DNAH14: variants seen among roughly 807,000 people sequenced by gnomAD.
DNAH14 encodes the protein axonemal beta dynein heavy chain 14.
A neutral mutation model predicts 520.9 loss-of-function variants in DNAH14; 478 were observed. The observed-to-expected ratio is 0.92, with a 90% CI of 0.85 to 0.99. DNAH14 has a LOEUF of 0.99. Among genes scored for constraint, DNAH14 ranks in the 50% least tolerant of loss-of-function variants. DNAH14 has a pLI of 0.00. For missense variants in DNAH14, 4,831 were observed against 5,234.5 expected (o/e 0.92, Z 2.38); for synonymous variants, 1,581 against 1,757.2 (o/e 0.90, Z 2.51).
chr1:225,300,361 A>G (rs2094115128), intron 55 of DNAH14, among the ~76,000 whole-genome samples: 1 of 152,192 alleles, frequency 6.6e-6, no homozygotes, highest in Non-Finnish European at 1.5e-5. Flanking sequence ...TGTTTAAATG[A>G]ATGAATGGAT....
At chr1:225,280,880 T>C (rs1026267492) in intron 54 of DNAH14, among the ~76,000 whole-genome samples, 2 of 152,182 alleles carry the variant, frequency 1.3e-5, no homozygotes, top group African/African-American at 4.8e-5. Flanking sequence ...AAAAATTTTA[T>C]GTTCAAGAAA....
Position 225,346,279 on chromosome 1 carries a change from T to C in DNAH14, c.10996T>C (p.Phe3666Leu). 1 of 1,549,480 alleles carries C rather than the reference T, an allele frequency of 6.5e-7. No individual in the cohort carries two copies. Among genetic ancestry groups the C allele is most frequent in the Non-Finnish European group, 8.7e-7 (1 of 1,146,458 alleles). The change falls in exon 70 of 86, where the codon TTT becomes CTT. Residue 3666 changes from phenylalanine to leucine, a missense_variant. Phe to Leu is a conservative substitution (Grantham distance 22). Transcript: ENST00000682510. The part of the protein sequence containing the change: ...EKVSPKEVHE[F>L]ISISKEPNLE... ...AGTGTCTCCAAAAGAAGTTCATGAGTTTATAAGTATTTCAAAAGAACCCAA... is the reference window on the plus strand; with the variant it reads ...AGTGTCTCCAAAAGAAGTTCATGAGCTTATAAGTATTTCAAAAGAACCCAA...
At chr1:225,051,218 A>G (rs1275470658) in intron 16 of DNAH14, among the ~76,000 whole-genome samples, 5 of 152,224 alleles carry the variant, frequency 3.3e-5, no homozygotes, top group Admixed American at 3.3e-4. Flanking sequence ...TAACATGTTA[A>G]TTATAAAGTT....
intron 17 of DNAH14, among the ~76,000 whole-genome samples, chr1:225,075,674 GA>G (rs1558873887): frequency 6.6e-6 from 1 of 151,994 alleles, no homozygotes; most frequent in East Asian, 1.9e-4. Context: ...AACATAGTGG[GA>G]CCCTACCTCT....
chr1:225,362,259 A>G (rs1236179696), intron 75 of DNAH14, among the ~76,000 whole-genome samples: 1 of 152,160 alleles, frequency 6.6e-6, no homozygotes, highest in Non-Finnish European at 1.5e-5. Flanking sequence ...ATTCAACATA[A>G]TCAGAGTATT....
intron 37 of DNAH14, among the ~76,000 whole-genome samples, chr1:225,191,813 T>C (rs559536117): frequency 6.6e-6 from 1 of 152,156 alleles, no homozygotes; most frequent in African/African-American, 2.4e-5. Flanking sequence ...TCTTTTTTTA[T>C]CTGCTTAAAT....
At chr1:224,996,950 C>T (rs1387095575) in intron 8 of DNAH14, among the ~76,000 whole-genome samples, 1 of 152,076 alleles carries the variant, frequency 6.6e-6, no homozygotes, top group Non-Finnish European at 1.5e-5. Context: ...GGGTATTTCT[C>T]TCTCTGTGGG....
At chr1:225,236,595 A>G (rs1460241411) in intron 42 of DNAH14, among the ~76,000 whole-genome samples, 4 of 152,132 alleles carry the variant, frequency 2.6e-5, no homozygotes, top group Non-Finnish European at 4.4e-5. Context: ...TTCTGTCTCA[A>G]TGATCTGTCT....
intron 23 of DNAH14, among the ~76,000 whole-genome samples, chr1:225,107,167 C>T (rs1318310011): frequency 4.6e-5 from 7 of 152,190 alleles, no homozygotes; most frequent in African/African-American, 1.7e-4. Context: ...GCCTGGGTAT[C>T]AGCAGCGGAG....
At chr1:225,332,083 A>G (rs1225773703) in intron 65 of DNAH14, among the ~76,000 whole-genome samples, 1 of 152,086 alleles carries the variant, frequency 6.6e-6, no homozygotes, top group African/African-American at 2.4e-5. Flanking sequence ...AGCCTTCTGA[A>G]CCCTTTTAGC....
intron 18 of DNAH14, 129 bp from the exon 19 acceptor site, chr1:225,080,250 G>A: frequency 1.0e-6 from 1 of 958,344 alleles, no homozygotes; most frequent in Non-Finnish European, 1.5e-6. Context: ...AAATGGTAAT[G>A]ATAGTTCCAG....
chr1:225,257,937 C>CT (rs766399207), intron 44 of DNAH14, 23 bp from the exon 45 acceptor site: 32 of 1,504,166 alleles, frequency 2.1e-5, no homozygotes, highest in African/African-American at 2.9e-5. Context: ...TCATTTGAAA[C>CT]TTTTTTTAAA....
At chr1:224,978,925 G>A (rs945910954) in intron 8 of DNAH14, among the ~76,000 whole-genome samples, 3 of 152,106 alleles carry the variant, frequency 2.0e-5, no homozygotes, top group Non-Finnish European at 4.4e-5. Flanking sequence ...ACAGGCAATG[G>A]TCACTGTGGC....
chr1:225,330,620 T>C (rs747751638), intron 64 of DNAH14, among the ~76,000 whole-genome samples: 35 of 151,962 alleles, frequency 2.3e-4, no homozygotes, highest in Non-Finnish European at 4.0e-4. Flanking sequence ...ATTGAACTCA[T>C]GGAGATAGAG....
At chr1:225,198,976 C>CT (rs1218660768) in intron 38 of DNAH14, among the ~76,000 whole-genome samples, 1 of 152,006 alleles carries the variant, frequency 6.6e-6, no homozygotes, top group African/African-American at 2.4e-5. Context: ...TAGTCCTGGA[C>CT]TTTTTTTGTT....
chr1:224,992,778 G>A (rs972149268), intron 8 of DNAH14, among the ~76,000 whole-genome samples: 1 of 151,834 alleles, frequency 6.6e-6, no homozygotes, highest in African/African-American at 2.4e-5. Context: ...CCTTGTTTTG[G>A]GTCTCAGAAA....
chr1:225,340,360 T>G (rs1245655418), intron 68 of DNAH14, 97 bp from the exon 69 acceptor site: 1 of 1,288,962 alleles, frequency 7.8e-7, no homozygotes, highest in South Asian at 1.6e-5. Context: ...AAATCTTGTG[T>G]ACTTCCAGGA....
At chr1:224,946,771 C>T (rs2059860801) in intron 1 of DNAH14, among the ~76,000 whole-genome samples, 1 of 150,412 alleles carries the variant, frequency 6.6e-6, no homozygotes, top group African/African-American at 2.4e-5. Context: ...TTTCTTTGTC[C>T]TTGTTTTGTT....
At chr1:224,929,661 A>G, upstream of DNAH14, 1 of 702,456 alleles carries the variant, frequency 1.4e-6, no homozygotes, top group Non-Finnish European at 2.6e-6. Context: ...GCCAGGGCGC[A>G]GGCGTGGCTC....
Sources: allele counts gnomAD v4.1 joint callset (sites outside exome capture counted in the v4.1 genomes callset), GRCh38; gene constraint gnomAD v4.1.1; transcripts MANE v1.5; gene names NCBI Gene and HGNC (gene_info 2026-07-23, HGNC 2026-07-21).